ATP9A: variants seen among roughly 807,000 people sequenced by gnomAD.
The protein encoded by ATP9A is probable phospholipid-transporting ATPase IIA.
A neutral mutation model predicts 144.1 loss-of-function variants in ATP9A; 52 were observed. That is an observed-to-expected ratio of 0.36 (90% CI 0.29 to 0.45). The LOEUF is 0.45. ATP9A is among the 20% of genes least tolerant of loss of function. The probability of loss-of-function intolerance (pLI) is 1.00; values close to 1 mark genes in which losing one functional copy is unlikely to be tolerated. For synonymous variants in ATP9A, 582 were observed against 557.4 expected (o/e 1.04, Z -0.62); for missense variants, 947 against 1,392.7 (o/e 0.68, Z 5.09).
At chr20:51,694,170 G>C in intron 6 of ATP9A, 68 bp from the exon 7 acceptor site, 1 of 1,276,436 alleles carries the variant, frequency 7.8e-7, no homozygotes, top group Non-Finnish European at 1.1e-6. Flanking sequence ...TCTGGGCAGC[G>C]TCTGCTCTGG....
At chr20:51,723,256 G>A (rs1029025390) in intron 3 of ATP9A, among the ~76,000 whole-genome samples, 2 of 152,200 alleles carry the variant, frequency 1.3e-5, no homozygotes, top group South Asian at 4.1e-4. Context: ...GGGGAAAAGA[G>A]TGGGGAGGGA....
chr20:51,638,117 A>C (rs189932909), intron 15 of ATP9A, among the ~76,000 whole-genome samples: 1,206 of 102,918 alleles, frequency 0.012, 82 homozygotes, highest in African/African-American at 0.047. Context: ...ATATATATAT[A>C]TATATATCTC....
At chr20:51,725,987 T>C (rs893600176) in intron 2 of ATP9A, 55 bp from the exon 3 acceptor site, 7 of 1,045,562 alleles carry the variant, frequency 6.7e-6, no homozygotes, top group Non-Finnish European at 1.0e-5. Context: ...TGATGAGATC[T>C]GGAACATTTG....
intron 2 of ATP9A, among the ~76,000 whole-genome samples, chr20:51,726,944 G>A (rs2077716893): frequency 7.3e-6 from 1 of 136,786 alleles, no homozygotes; most frequent in Non-Finnish European, 1.5e-5. Context: ...TGTTGTTTAG[G>A]AGGAGGTTTT....
intron 9 of ATP9A, among the ~76,000 whole-genome samples, chr20:51,681,558 A>C (rs567004352): frequency 8.3e-4 from 126 of 151,708 alleles, no homozygotes; most frequent in South Asian, 1.5e-3. Context: ...AGTAACTGGG[A>C]CTACAGGTGC....
At chr20:51,657,221 G>A (rs548188375) in intron 13 of ATP9A, 71 bp from the exon 14 acceptor site, 16 of 1,292,126 alleles carry the variant, frequency 1.2e-5, no homozygotes, top group South Asian at 5.1e-5. Flanking sequence ...AAGAACAGCC[G>A]TGCAGCTATT....
At chr20:51,724,979 G>T (rs897124297) in intron 3 of ATP9A, among the ~76,000 whole-genome samples, 1 of 152,080 alleles carries the variant, frequency 6.6e-6, no homozygotes, top group African/African-American at 2.4e-5. Context: ...CCAGATTGGG[G>T]GACATCTGTG....
At chr20:51,610,029 C>T (rs907180306) in intron 24 of ATP9A, 72 bp downstream of exon 24, 18 of 1,391,666 alleles carry the variant, frequency 1.3e-5, no homozygotes, top group African/African-American at 2.9e-5. Context: ...TTTTCCACCA[C>T]GTTTCTTCTC....
intron 19 of ATP9A, among the ~76,000 whole-genome samples, chr20:51,621,677 T>G (rs1252570815): frequency 1.3e-5 from 2 of 152,206 alleles, no homozygotes; most frequent in East Asian, 3.9e-4. Flanking sequence ...ATCTGTGGCC[T>G]GGAATTTCTT....
chr20:51,702,732 T>C (rs191972994), intron 4 of ATP9A, among the ~76,000 whole-genome samples: 31 of 152,216 alleles, frequency 2.0e-4, no homozygotes, highest in African/African-American at 5.1e-4. Context: ...GATTTCTAAC[T>C]TCACAGCAAC....
chr20:51,738,869 G>C (rs552183605), intron 1 of ATP9A, among the ~76,000 whole-genome samples: 60 of 152,292 alleles, frequency 3.9e-4, no homozygotes, highest in African/African-American at 1.4e-3. Context: ...GATCACTTGA[G>C]GTAGGAGTTC....
chr20:51,605,014 G>A lies in ATP9A; in HGVS notation c.2810C>T (p.Thr937Ile), dbSNP rs145444267. Residue 937 changes from threonine (T) to isoleucine (I), a missense_variant, in exon 27 of 28, where the codon ACC becomes ATC. By Grantham distance (89) the Thr-to-Ile change is moderately conservative. Transcript: ENST00000338821. ...WVLISIYQGS[T>I]IMYGALLLFE... Reference sequence around the variant, plus strand: ...CAGCAGCAGCGCCCCGTACATGATGGTGCTCCCTGCAAACACCAGAGAAGG... The same window carrying A: ...CAGCAGCAGCGCCCCGTACATGATGATGCTCCCTGCAAACACCAGAGAAGG... The A allele has an allele frequency of 1.3e-4, 205 of 1,605,482 alleles. No homozygotes were observed. Among genetic ancestry groups the A allele is most frequent in the Non-Finnish European group, 1.5e-4 (181 of 1,175,966 alleles).
chr20:51,696,181 A>C, intron 5 of ATP9A, 37 bp from the exon 6 acceptor site: 1 of 1,603,712 alleles, frequency 6.2e-7, no homozygotes, highest in Non-Finnish European at 8.5e-7. Flanking sequence ...CTGTGAATGA[A>C]TGACCGTGTG....
intron 22 of ATP9A, among the ~76,000 whole-genome samples, chr20:51,615,004 C>T (rs2077197553): frequency 8.0e-6 from 1 of 125,630 alleles, no homozygotes; most frequent in African/African-American, 3.3e-5. Context: ...TTATCCAGTA[C>T]CATTATATAT....
chr20:51,698,283 G>T (rs1040678332), intron 4 of ATP9A, among the ~76,000 whole-genome samples: 1 of 152,210 alleles, frequency 6.6e-6, no homozygotes, highest in Non-Finnish European at 1.5e-5. Flanking sequence ...CAGGACTTTG[G>T]AAGGCCGAAG....
chr20:51,609,538 G>A (rs1033083331), intron 24 of ATP9A, among the ~76,000 whole-genome samples: 3 of 152,158 alleles, frequency 2.0e-5, no homozygotes, highest in Non-Finnish European at 4.4e-5. Context: ...AAGGTCAGAA[G>A]GATCATCCTG....
intron 1 of ATP9A, among the ~76,000 whole-genome samples, chr20:51,761,379 T>G: frequency 6.6e-6 from 1 of 152,116 alleles, no homozygotes; most frequent in East Asian, 1.9e-4. Context: ...GTCCCCTTTG[T>G]GGGATGGAAA....
At chr20:51,689,021 T>C in intron 9 of ATP9A, 43 bp downstream of exon 9, 1 of 1,591,942 alleles carries the variant, frequency 6.3e-7, no homozygotes, top group Non-Finnish European at 8.6e-7. Context: ...GGATTTTCTT[T>C]CCTTTTCAAA....
intron 1 of ATP9A, among the ~76,000 whole-genome samples, chr20:51,753,978 C>T (rs1431669821): frequency 6.6e-6 from 1 of 151,826 alleles, no homozygotes; most frequent in East Asian, 1.9e-4. Context: ...GGCCTGTTCT[C>T]TCATTTTTTT....
Sources: gnomAD v4.1 joint callset for allele counts (sites outside exome capture counted in the v4.1 genomes callset) on GRCh38, gnomAD v4.1.1 for gene constraint, MANE v1.5 for transcripts, NCBI Gene and HGNC (gene_info 2026-07-23, HGNC 2026-07-21) for gene names.